The following EIF5AL1 variants were observed in gnomAD, a reference collection of about 807,000 sequenced individuals.
EIF5AL1 encodes eukaryotic translation initiation factor 5A-1-like.
EIF5AL1 carries 4 observed loss-of-function variants against 9.0 expected under a neutral mutation model. The ratio of observed to expected loss-of-function variants is 0.45; its 90% CI spans 0.22 to 1.02. The LOEUF (loss-of-function observed/expected upper bound fraction) is 1.02, where lower values mean the gene tolerates loss of function less well. Ranked by LOEUF, EIF5AL1 falls within the 50% of genes least tolerant of loss-of-function variation. The pLI, the probability that EIF5AL1 is intolerant of heterozygous loss-of-function variation, is 0.24. For missense variants in EIF5AL1, 58 were observed against 194.1 expected, an observed-to-expected ratio of 0.30 and a Z score of 4.17; for synonymous variants, 40 against 75.7, an observed-to-expected ratio of 0.53 and a Z score of 2.45.
chr10:79,515,008 G>A lies in EIF5AL1; in HGVS notation c.*1894G>A, dbSNP rs542141394. 17 of 186,710 alleles carry A rather than the reference G, an allele frequency of 9.1e-5. No individual in the cohort carries two copies. The highest frequency in any genetic ancestry group is 2.9e-4 in the African/African-American group (12 of 41,576). The allele number at this position is 186,710 out of a possible 1,614,324, so 11.6% of individuals were successfully genotyped here. A position where few individuals can be genotyped will look rare whatever the true frequency, so the allele number is the denominator to read the frequency against. On this transcript the variant is annotated 3_prime_UTR_variant, in exon 1 of 1. Transcript: ENST00000520547. The stretch of plus-strand genomic sequence containing the variant: ...CAGTCTTTCTTTGCCCAGAGATTTC[G>A]CAATGACTGTTGACCTTCATCATCA...
rs903857342 is a variant in EIF5AL1 at position 79,515,249 on chromosome 10, C to G, written c.*2135C>G. 1 of 358,036 alleles carries G rather than the reference C, an allele frequency of 2.8e-6. No homozygotes were observed. Among genetic ancestry groups the G allele is most frequent in the African/African-American group, 2.2e-5 (1 of 44,512 alleles). The allele number at this position is 358,036 out of a possible 1,614,324, so 22.2% of individuals were successfully genotyped here. The stretch of plus-strand genomic sequence containing the variant: ...TTAAAAGGGCAAACTCATTTCCACA[C>G]TATGGGGACTCTGACAGATAGCATA... On this transcript the variant is annotated 3_prime_UTR_variant, in exon 1 of 1. Transcript: ENST00000520547.
In EIF5AL1 at chr10:79,513,477, TGCCCTCC is replaced by T. The variant is rs891521329; in HGVS notation, c.*364_*370del. On this transcript the variant is annotated 3_prime_UTR_variant, in exon 1 of 1. Coordinates refer to ENST00000520547, the MANE Select transcript of EIF5AL1 (RefSeq NM_001099692.2). The stretch of plus-strand genomic sequence containing the variant: ...GGTGGATTCTGGCAAATGGTCCTTG[TGCCCTCC>T]CCACTCATCCTTGGTCTGGTCCCCT... 2.5e-4 allele frequency: 87 copies of T among 344,304 alleles called. No individual in the cohort carries two copies. The highest frequency in any genetic ancestry group is 2.2e-4 in the Non-Finnish European group (38 of 173,520). The allele number at this position is 344,304 out of a possible 1,614,324, so 21.3% of individuals were successfully genotyped here.
In EIF5AL1 at chr10:79,513,191, C is replaced by T; in HGVS notation, c.*77C>T. ...GGCCCCCTCCCCCAGCCTGGCCTGG[C>T]TCTGGCCTGGTCCTAGGTTGGACTC... On this transcript the variant is annotated 3_prime_UTR_variant, in exon 1 of 1. Coordinates refer to ENST00000520547, the MANE Select transcript of EIF5AL1 (RefSeq NM_001099692.2). 6.4e-7 allele frequency: 1 copy of T among 1,557,006 alleles called. No homozygotes were observed. The highest frequency in any genetic ancestry group is 1.1e-5 in the South Asian group (1 of 89,452).
rs1294736086 is a variant in EIF5AL1, at chr10:79,514,347, T to G, written c.*1233T>G. 1.2e-5 allele frequency: 2 copies of G among 167,076 alleles called. No individual in the cohort carries two copies. Among genetic ancestry groups the G allele is most frequent in the African/African-American group, 4.8e-5 (2 of 41,454 alleles). The allele number at this position is 167,076 out of a possible 1,614,324, so 10.3% of individuals were successfully genotyped here. A position where few individuals can be genotyped will look rare whatever the true frequency, so the allele number is the denominator to read the frequency against. On this transcript the variant is annotated 3_prime_UTR_variant, in exon 1 of 1. Coordinates refer to ENST00000520547, the MANE Select transcript of EIF5AL1 (RefSeq NM_001099692.2). ...CTTTTGCACCATGTGGAGGACTAGA[T>G]GGAAAACAAGTAGACTGAGGGTCTG...
Position 79,512,680 on chromosome 10 carries a change from G to A in EIF5AL1, c.31G>A (p.Asp11Asn). Residue 11 changes from aspartate to asparagine, a missense_variant, in exon 1 of 1, where the codon GAT becomes AAT. By Grantham distance (23) the Asp-to-Asn change is conservative. Transcript: ENST00000520547. Reference protein sequence around the residue: MADDLDFETGDAGASATFPMQ... With the variant: MADDLDFETGNAGASATFPMQ... ...AGATGATTTGGACTTCGAGACAGGA[G>A]ATGCAGGGGCCTCAGCCACCTTCCC... 2.2e-6 allele frequency: 3 copies of A among 1,374,010 alleles called. No individual in the cohort carries two copies. Among genetic ancestry groups the A allele is most frequent in the Non-Finnish European group, 3.0e-6 (3 of 983,764 alleles). The allele number at this position is 1,374,010 out of a possible 1,614,324, so 85.1% of individuals were successfully genotyped here.
Position 79,512,615 on chromosome 10 carries a change from G to A in EIF5AL1, c.-35G>A, listed in dbSNP as rs1392141773. On this transcript the variant is annotated 5_prime_UTR_variant, in exon 1 of 1. Transcript: ENST00000520547. ...GGCGAGCGGACGGGGTCGAGTCAGT[G>A]CCGTTTGCGCCAGTTGGAATCGAAG... 1 of 840,344 alleles carries A rather than the reference G, an allele frequency of 1.2e-6. No homozygotes were observed. Among genetic ancestry groups the A allele is most frequent in the African/African-American group, 1.7e-5 (1 of 58,690 alleles). 52.1% of individuals were successfully genotyped at this position (840,344 alleles called of 1,614,324 possible). A position where few individuals can be genotyped will look rare whatever the true frequency, so the allele number is the denominator to read the frequency against.
rs1729798175 is a variant in EIF5AL1 at position 79,513,005 on chromosome 10, T to A, written c.356T>A (p.Leu119His). ...PEDLRLPEGD[L>H]GKEIEQKYDC... ...GACCTTCGTCTCCCTGAGGGAGACC[T>A]TGGCAAGGAGATTGAGCAGAAGTAC... is the stretch of plus-strand genomic sequence containing the variant. The change falls in exon 1 of 1, where the codon CTT (leucine) becomes CAT (histidine). Residue 119 changes from leucine (L) to histidine (H), a missense_variant. Coordinates refer to ENST00000520547, the MANE Select transcript of EIF5AL1 (RefSeq NM_001099692.2). 3 of 1,611,930 alleles carry A rather than the reference T, an allele frequency of 1.9e-6. No homozygotes were observed. The African/African-American group carries it at 4.0e-5, about 22-fold the overall frequency.
rs1858186327 is a variant in EIF5AL1, at chr10:79,513,731, TAA to T, written c.*620_*621del. On this transcript the variant is annotated 3_prime_UTR_variant, in exon 1 of 1. Transcript: ENST00000520547. ...CACATTTGTTAAAATCAAACCTGAA[TAA>T]AACTACAAGTTTAATATGAAAAAAA... 7.5e-6 allele frequency: 1 copy of T among 132,884 alleles called. No individual in the cohort carries two copies. Among genetic ancestry groups the T allele is most frequent in the Admixed American group, 8.2e-5 (1 of 12,138 alleles). 8.2% of individuals were successfully genotyped at this position (132,884 alleles called of 1,614,324 possible). A position where few individuals can be genotyped will look rare whatever the true frequency, so the allele number is the denominator to read the frequency against.
rs1473830004 is a variant in EIF5AL1, at chr10:79,515,809, T to C, written c.*2695T>C. 6.0e-6 allele frequency: 1 copy of C among 167,124 alleles called. No homozygotes were observed. The highest frequency in any genetic ancestry group is 1.5e-5 in the Non-Finnish European group (1 of 68,140). The allele number at this position is 167,124 out of a possible 1,614,324, so 10.4% of individuals were successfully genotyped here. A position where few individuals can be genotyped will look rare whatever the true frequency, so the allele number is the denominator to read the frequency against. On this transcript the variant is annotated 3_prime_UTR_variant, in exon 1 of 1. Transcript: ENST00000520547. Reference sequence around the variant, plus strand: ...CAAATCCTGTTGCAGATGTACGTCATATACCTCTGAAATTCCTGATGTATT... The same window carrying C: ...CAAATCCTGTTGCAGATGTACGTCACATACCTCTGAAATTCCTGATGTATT...
chr10:79,513,667 C>T lies in EIF5AL1; in HGVS notation c.*553C>T, dbSNP rs1160972579. ...CTCAGGCATCTGGGAAGGGCCTGCC[C>T]CCATGGGCTTTACCCTTCCCTGCGG... On this transcript the variant is annotated 3_prime_UTR_variant, in exon 1 of 1. Coordinates refer to ENST00000520547, the MANE Select transcript of EIF5AL1 (RefSeq NM_001099692.2). The T allele has an allele frequency of 5.8e-6, 1 of 172,928 alleles. No individual in the cohort carries two copies. The highest frequency in any genetic ancestry group is 2.4e-5 in the African/African-American group (1 of 41,380). The allele number at this position is 172,928 out of a possible 1,614,324, so 10.7% of individuals were successfully genotyped here.
rs752580568 is a variant in EIF5AL1, at chr10:79,512,629, T to C, written c.-21T>C. 1.5e-5 allele frequency: 14 copies of C among 914,058 alleles called. No homozygotes were observed. The highest frequency in any genetic ancestry group is 4.4e-5 in the Admixed American group (2 of 44,992). 56.6% of individuals were successfully genotyped at this position (914,058 alleles called of 1,614,324 possible). On this transcript the variant is annotated 5_prime_UTR_variant, in exon 1 of 1. Coordinates refer to ENST00000520547, the MANE Select transcript of EIF5AL1 (RefSeq NM_001099692.2). ...GTCGAGTCAGTGCCGTTTGCGCCAG[T>C]TGGAATCGAAGCCTCTTAAAATGGC...
rs1858190331 is a variant in EIF5AL1, at chr10:79,513,944, C to T, written c.*830C>T. On this transcript the variant is annotated 3_prime_UTR_variant, in exon 1 of 1. Transcript: ENST00000520547. ...CAGAGGATGCAATGGGAGCAGGGTC[C>T]TGTCCCCACCCTAAAGGAGTTCACA... 6.0e-6 allele frequency: 1 copy of T among 167,006 alleles called. No homozygotes were observed. Among genetic ancestry groups the T allele is most frequent in the Admixed American group, 6.5e-5 (1 of 15,280 alleles). The allele number at this position is 167,006 out of a possible 1,614,324, so 10.3% of individuals were successfully genotyped here.
At position 79,512,707 on chromosome 10, in the gene EIF5AL1, A is replaced by G. The variant is rs1328015929; in HGVS notation, c.58A>G (p.Met20Val). The change falls in exon 1 of 1, where the codon ATG (methionine) becomes GTG (valine). Residue 20 changes from methionine (M) to valine (V), a missense_variant. Coordinates refer to ENST00000520547, the MANE Select transcript of EIF5AL1 (RefSeq NM_001099692.2). ...GDAGASATFP[M>V]QCSALRKNGF... ...TGCAGGGGCCTCAGCCACCTTCCCA[A>G]TGCAGTGCTCAGCATTACGTAAGAA... is the stretch of plus-strand genomic sequence containing the variant. 1.0e-5 allele frequency: 15 copies of G among 1,507,456 alleles called. No homozygotes were observed. Among genetic ancestry groups the G allele is most frequent in the Middle Eastern group, 2.3e-4 (1 of 4,440 alleles). The allele number at this position is 1,507,456 out of a possible 1,614,324, so 93.4% of individuals were successfully genotyped here.
rs1388214083 is a variant in EIF5AL1, at chr10:79,513,958, A to G, written c.*844A>G. 5 of 167,066 alleles carry G rather than the reference A, an allele frequency of 3.0e-5. No individual in the cohort carries two copies. In the East Asian group the frequency reaches 7.7e-4, roughly 26 times the overall value. 10.3% of individuals were successfully genotyped at this position (167,066 alleles called of 1,614,324 possible). ...GGAGCAGGGTCCTGTCCCCACCCTA[A>G]AGGAGTTCACAGTTTAACGCAAATG... On this transcript the variant is annotated 3_prime_UTR_variant, in exon 1 of 1. Coordinates refer to ENST00000520547, the MANE Select transcript of EIF5AL1 (RefSeq NM_001099692.2).
At position 79,512,568 on chromosome 10, in the gene EIF5AL1, C is replaced by G; in HGVS notation, c.-82C>G. The G allele has an allele frequency of 8.9e-7, 1 of 1,122,420 alleles. No homozygotes were observed. Among genetic ancestry groups the G allele is most frequent in the South Asian group, 1.4e-5 (1 of 72,284 alleles). The allele number at this position is 1,122,420 out of a possible 1,614,324, so 69.5% of individuals were successfully genotyped here. On this transcript the variant is annotated 5_prime_UTR_variant, in exon 1 of 1. Transcript: ENST00000520547. ...GCGGCGGCGGCGGCGGCGGCGGGCT[C>G]GGAGGCAGCGGTTGGGCTCGCGGCG...
chr10:79,515,589 TC>T lies in EIF5AL1; in HGVS notation c.*2476del, dbSNP rs1858220326. 1 of 167,176 alleles carries T rather than the reference TC, an allele frequency of 6.0e-6. No individual in the cohort carries two copies. The highest frequency in any genetic ancestry group is 1.5e-5 in the Non-Finnish European group (1 of 68,302). The allele number at this position is 167,176 out of a possible 1,614,324, so 10.4% of individuals were successfully genotyped here. On this transcript the variant is annotated 3_prime_UTR_variant, in exon 1 of 1. Coordinates refer to ENST00000520547, the MANE Select transcript of EIF5AL1 (RefSeq NM_001099692.2). ...CTCCTTCCTGATCTTCTGTGGAGCA[TC>T]TTTTTTCCATCCATGCTCTACTCAG...
In EIF5AL1 at chr10:79,513,022, C is replaced by A; in HGVS notation, c.373C>A (p.Gln125Lys). Residue 125 changes from glutamine to lysine, a missense_variant, in exon 1 of 1, where the codon CAG becomes AAG. Physicochemically the swap from Gln to Lys is moderately conservative, Grantham distance 53. This residue lies in a region of EIF5AL1 where 48 missense variants were observed against 104.3 expected (regional missense o/e 0.46). Coordinates refer to ENST00000520547, the MANE Select transcript of EIF5AL1 (RefSeq NM_001099692.2). ...PEGDLGKEIE[Q>K]KYDCGEEILI... is the part of the protein sequence containing the mutation. ...GGGAGACCTTGGCAAGGAGATTGAG[C>A]AGAAGTACGACTGTGGAGAAGAGAT... 6.2e-7 allele frequency: 1 copy of A among 1,611,756 alleles called. No homozygotes were observed. The highest frequency in any genetic ancestry group is 8.5e-7 in the Non-Finnish European group (1 of 1,178,370).
At position 79,513,876 on chromosome 10, in the gene EIF5AL1, C is replaced by G. The variant is rs531305134; in HGVS notation, c.*762C>G. The G allele has an allele frequency of 3.0e-5, 5 of 167,374 alleles. No individual in the cohort carries two copies. Among genetic ancestry groups the G allele is most frequent in the African/African-American group, 1.2e-4 (5 of 41,464 alleles). 10.4% of individuals were successfully genotyped at this position (167,374 alleles called of 1,614,324 possible). ...ACCACCCAGGGCACCCTTCAGCACA[C>G]GCTGTCTGGAGTGGCCTGAAGCAAG... is the stretch of plus-strand genomic sequence containing the variant. On this transcript the variant is annotated 3_prime_UTR_variant, in exon 1 of 1. Transcript: ENST00000520547.
At position 79,512,888 on chromosome 10, in the gene EIF5AL1, A is replaced by G. The variant is rs761845708; in HGVS notation, c.239A>G (p.Asp80Gly). Reference sequence around the variant, plus strand: ...ATCTGCCCGTCAACTCATAATATGGATGTCCCCAACATCAAAAGGAATGAC... The same window carrying G: ...ATCTGCCCGTCAACTCATAATATGGGTGTCCCCAACATCAAAAGGAATGAC... The part of the protein sequence containing the change: ...EDICPSTHNM[D>G]VPNIKRNDFQ... Residue 80 changes from aspartate to glycine, a missense_variant, in exon 1 of 1, where the codon GAT (aspartate) becomes GGT (glycine). By Grantham distance (94) the Asp-to-Gly change is moderately conservative (BLOSUM62 -1). Coordinates refer to ENST00000520547, the MANE Select transcript of EIF5AL1 (RefSeq NM_001099692.2). 6.2e-7 allele frequency: 1 copy of G among 1,613,862 alleles called. No individual in the cohort carries two copies. Among genetic ancestry groups the G allele is most frequent in the East Asian group, 2.2e-5 (1 of 44,868 alleles).
Sources: allele counts gnomAD v4.1 joint callset, GRCh38; gene constraint gnomAD v4.1.1; regional missense constraint gnomAD v4.1.1; transcripts MANE v1.5; gene names NCBI Gene and HGNC (gene_info 2026-07-23, HGNC 2026-07-21).